Variants in DNAH3 observed in about 807,000 individuals in gnomAD.
DNAH3 encodes the protein axonemal beta dynein heavy chain 3.
A neutral mutation model predicts 432.5 loss-of-function variants in DNAH3; 332 were observed. The ratio of observed to expected loss-of-function variants is 0.77; its 90% confidence interval spans 0.70 to 0.84. The LOEUF is 0.84. Ranked by LOEUF, DNAH3 falls within the 40% of genes least tolerant of loss-of-function variation. The pLI is 0.00. For missense variants in DNAH3, 4,861 were observed against 5,114.0 expected (o/e 0.95, Z 1.51); for synonymous variants, 1,956 against 1,900.2 (o/e 1.03, Z -0.76).
intron 41 of DNAH3, among the ~76,000 whole-genome samples, chr16:21,006,841 C>T (rs974193890): frequency 6.6e-6 from 1 of 151,894 alleles, no homozygotes; most frequent in African/African-American, 2.4e-5. Context: ...TGCACCACCA[C>T]GTCTGGCTAA....
In DNAH3 at chr16:21,025,047, C is replaced by T; in HGVS notation, c.5541-346G>A. Among the ~76,000 whole-genome samples the T allele has an allele frequency of 1.3e-5, 2 of 152,130 alleles. 1 individual carries two copies. The highest frequency in any genetic ancestry group is 2.9e-5 in the Non-Finnish European group (2 of 68,036). On this transcript the variant is annotated intron_variant, in intron 38 of 61. Transcript: ENST00000261383. ...TCAAGTGATTCTCATTTCTCAGCCT[C>T]CCGAGTAGCTGGAATTACAAGTGCG... is the stretch of plus-strand genomic sequence containing the variant.
chr16:21,046,570 T>C (rs967203520), intron 31 of DNAH3, among the ~76,000 whole-genome samples: 1 of 152,172 alleles, frequency 6.6e-6, no homozygotes, highest in Non-Finnish European at 1.5e-5. Context: ...TATGTGTGTC[T>C]CTGCATGTGA....
At chr16:21,120,939 G>T (rs767748834) in intron 10 of DNAH3, 2 of 992,288 alleles carry the variant, frequency 2.0e-6, no homozygotes, top group Admixed American at 4.0e-5. Flanking sequence ...GAGCTGCCCA[G>T]TGTTTCTTCT....
Position 21,019,606 on chromosome 16 carries a change from A to C in DNAH3, c.6022+18T>G. 1 of 1,613,772 alleles carries C rather than the reference A, an allele frequency of 6.2e-7. No homozygotes were observed. ...TCCAACTATTATACTAGAACATAACAAACAGGTTCTAAATTACCTCTTTCT... is the reference window on the plus strand; with the variant it reads ...TCCAACTATTATACTAGAACATAACCAACAGGTTCTAAATTACCTCTTTCT... On this transcript the variant is annotated intron_variant, in intron 41 of 61. Transcript: ENST00000261383.
chr16:21,034,043 C>T, exon 36 of DNAH3: 1 of 1,613,760 alleles, frequency 6.2e-7, no homozygotes, highest in Non-Finnish European at 8.5e-7. Context: ...ATGGGGTCTC[C>T]TACAATCATA....
At chr16:20,935,289 T>C in intron 61 of DNAH3, 59 bp downstream of exon 61, 2 of 1,596,494 alleles carry the variant, frequency 1.3e-6, no homozygotes, top group Non-Finnish European at 1.7e-6. Flanking sequence ...ATAAGGAAAT[T>C]GGCAACATTG....
chr16:21,070,670 A>G, intron 22 of DNAH3, 40 bp downstream of exon 22: 1 of 1,345,776 alleles, frequency 7.4e-7, no homozygotes. Flanking sequence ...ACCCAGAGCT[A>G]ACGAAACACC....
At chr16:21,147,678 A>C (rs192229903) in intron 1 of DNAH3, among the ~76,000 whole-genome samples, 1 of 152,330 alleles carries the variant, frequency 6.6e-6, no homozygotes, top group Admixed American at 6.5e-5. Context: ...CTCCATTCCA[A>C]CCAGTGAGTG....
intron 32 of DNAH3, among the ~76,000 whole-genome samples, chr16:21,040,146 C>T (rs1358237425): frequency 6.6e-6 from 1 of 152,032 alleles, no homozygotes; most frequent in African/African-American, 2.4e-5. Context: ...TCCCCACTGG[C>T]CCTATGCGGG....
intron 54 of DNAH3, among the ~76,000 whole-genome samples, chr16:20,957,028 C>T (rs574674280): frequency 6.6e-5 from 10 of 152,286 alleles, no homozygotes; most frequent in East Asian, 1.9e-4. Flanking sequence ...CGGCCCCAAA[C>T]AGCATTCTTG....
At chr16:21,154,380 G>C (rs1227563587) in intron 1 of DNAH3, among the ~76,000 whole-genome samples, 1 of 151,084 alleles carries the variant, frequency 6.6e-6, no homozygotes, top group African/African-American at 2.4e-5. Flanking sequence ...ACTCCAGCCT[G>C]TGTGACACAG....
exon 48 of DNAH3, chr16:20,985,261 T>C (rs1310796679): frequency 6.2e-7 from 1 of 1,614,202 alleles, no homozygotes; most frequent in Non-Finnish European, 8.5e-7. Context: ...CTTGATCTGG[T>C]TGTCGGCGAA....
At chr16:21,135,731 GA>G (rs1020117463) in intron 6 of DNAH3, among the ~76,000 whole-genome samples, 141 of 144,710 alleles carry the variant, frequency 9.7e-4, no homozygotes, top group African/African-American at 3.4e-3. Context: ...TCTCAAAAAA[GA>G]AAAAAAAAAG....
At chr16:21,117,463 CT>C in intron 11 of DNAH3, 124 bp from the exon 12 acceptor site, 1 of 672,436 alleles carries the variant, frequency 1.5e-6, no homozygotes, top group Admixed American at 2.8e-5. Flanking sequence ...TCTATTTCCT[CT>C]TAGATAGTGC....
intron 7 of DNAH3, among the ~76,000 whole-genome samples, chr16:21,129,626 A>G (rs1039619909): frequency 2.0e-5 from 3 of 151,290 alleles, no homozygotes; most frequent in Admixed American, 1.3e-4. Flanking sequence ...AATCCCAGCT[A>G]CTCAGGAGGC....
chr16:21,039,750 CT>C, intron 33 of DNAH3, 101 bp downstream of exon 33: 1 of 910,556 alleles, frequency 1.1e-6, no homozygotes, highest in Middle Eastern at 2.2e-4. Context: ...GTTTCTCAAG[CT>C]TCTCTCTCTT....
intron 1 of DNAH3, chr16:21,158,764 G>C (rs1278684196): frequency 6.5e-6 from 1 of 154,636 alleles, no homozygotes; most frequent in Non-Finnish European, 1.4e-5. Flanking sequence ...CTCGGAGCTT[G>C]GGGGTGGGGG....
At chr16:20,983,314 C>A (rs968360873) in intron 48 of DNAH3, among the ~76,000 whole-genome samples, 1 of 151,818 alleles carries the variant, frequency 6.6e-6, no homozygotes, top group Non-Finnish European at 1.5e-5. Context: ...TTAGTAGAGA[C>A]GGGGTTTCAC....
chr16:21,012,728 G>C (rs756325750), intron 41 of DNAH3, among the ~76,000 whole-genome samples: 2 of 152,152 alleles, frequency 1.3e-5, no homozygotes, highest in Non-Finnish European at 2.9e-5. Context: ...CATTCACCAA[G>C]ATAGAATGCA....
Sources: allele counts gnomAD v4.1 joint callset (sites outside exome capture counted in the v4.1 genomes callset), GRCh38; gene constraint gnomAD v4.1.1; transcripts MANE v1.5; gene names NCBI Gene and HGNC (gene_info 2026-07-23, HGNC 2026-07-21).